MYBL1: variants seen among roughly 807,000 people sequenced by gnomAD.
The protein encoded by MYBL1 is MYB proto-oncogene like 1, also known as myb-related protein A.
In MYBL1, 17 loss-of-function variants were observed where a neutral mutation model predicts 96.3. The observed-to-expected ratio is 0.18, with a 90% CI of 0.12 to 0.26. The LOEUF is 0.26. Among genes scored for constraint, MYBL1 ranks in the 10% least tolerant of loss-of-function variants. The pLI is 1.00. For missense variants in MYBL1, 701 were observed against 882.9 expected, an observed-to-expected ratio of 0.79 and a Z score of 2.61; for synonymous variants, 282 against 292.7, an observed-to-expected ratio of 0.96 and a Z score of 0.37.
At chr8:66,578,892 A>G (rs1232870418) in intron 9 of MYBL1, among the ~76,000 whole-genome samples, 1 of 152,332 alleles carries the variant, frequency 6.6e-6, no homozygotes, top group East Asian at 1.9e-4. Flanking sequence ...ATGGAATACT[A>G]TGCAGCCATA....
Position 66,576,071 on chromosome 8 carries a change from T to G in MYBL1, c.1406A>C (p.Asn469Thr). The G allele has an allele frequency of 6.2e-7, 1 of 1,613,918 alleles. No homozygotes were observed. The highest frequency in any genetic ancestry group is 1.1e-5 in the South Asian group (1 of 91,072). ...PGSELRDGSL[N>T]DGGNMALKHT... is the part of the protein sequence containing the mutation. Reference sequence around the variant, plus strand: ...TTTTAGCGCCATATTACCACCATCGTTCAATGAGCCATCCCTAAGTTCGCT... The same window carrying G: ...TTTTAGCGCCATATTACCACCATCGGTCAATGAGCCATCCCTAAGTTCGCT... Residue 469 changes from asparagine (N) to threonine (T), a missense_variant, in exon 10 of 16, where the codon AAC (asparagine) becomes ACC (threonine). Transcript: ENST00000522677.
At chr8:66,579,111 A>G (rs1360887796) in intron 9 of MYBL1, among the ~76,000 whole-genome samples, 1 of 152,098 alleles carries the variant, frequency 6.6e-6, no homozygotes, top group Non-Finnish European at 1.5e-5. Flanking sequence ...GGATAGCATT[A>G]GGAGATATAC....
At chr8:66,569,105 C>T (rs1808628331) in intron 12 of MYBL1, among the ~76,000 whole-genome samples, 1 of 152,088 alleles carries the variant, frequency 6.6e-6, no homozygotes, top group South Asian at 2.1e-4. Context: ...CTCTCTCTTC[C>T]CACCTTCCAC....
intron 10 of MYBL1, among the ~76,000 whole-genome samples, chr8:66,575,274 T>G (rs1276119698): frequency 6.6e-6 from 1 of 152,156 alleles, no homozygotes; most frequent in Non-Finnish European, 1.5e-5. Flanking sequence ...AAAACCTCAG[T>G]GGGCAAACTA....
chr8:66,595,338 G>A (rs1471233240), intron 6 of MYBL1, among the ~76,000 whole-genome samples: 1 of 152,054 alleles, frequency 6.6e-6, no homozygotes, highest in Non-Finnish European at 1.5e-5. Context: ...AATCATAAAT[G>A]AAGATTCAAA....
In MYBL1 at chr8:66,593,079, T is replaced by C. The variant is rs181498351; in HGVS notation, c.762+41A>G. The stretch of plus-strand genomic sequence containing the variant: ...ACTATTAGGCTTTTAAAAATGTGAC[T>C]GAACACATTTCCTTTGGTTTTCGTT... On this transcript the variant is annotated intron_variant, in intron 7 of 15. Transcript: ENST00000522677. 10 of 1,278,416 alleles carry C rather than the reference T, an allele frequency of 7.8e-6. No individual in the cohort carries two copies. The African/African-American group carries it at 8.9e-5, about 11-fold the overall frequency. 79.2% of individuals were successfully genotyped at this position (1,278,416 alleles called of 1,614,324 possible).
At chr8:66,589,873 C>A (rs1809568096) in intron 8 of MYBL1, among the ~76,000 whole-genome samples, 1 of 152,130 alleles carries the variant, frequency 6.6e-6, no homozygotes, top group Non-Finnish European at 1.5e-5. Flanking sequence ...AGTTTCAAAA[C>A]AGAAACTGCA....
At chr8:66,577,779 T>G (rs1469710494) in intron 9 of MYBL1, among the ~76,000 whole-genome samples, 1 of 152,184 alleles carries the variant, frequency 6.6e-6, no homozygotes, top group Non-Finnish European at 1.5e-5. Context: ...AAGTCAATCC[T>G]AAGCCAAAAG....
At chr8:66,612,625 A>G (rs1810576543) in intron 1 of MYBL1, 194 bp downstream of exon 1, 1 of 541,446 alleles carries the variant, frequency 1.8e-6, no homozygotes, top group Non-Finnish European at 2.9e-6. Flanking sequence ...CGCGCCTCAA[A>G]CACCCTGGTC....
intron 5 of MYBL1, 116 bp downstream of exon 5, chr8:66,597,214 C>T: frequency 1.4e-6 from 1 of 739,662 alleles, no homozygotes; most frequent in East Asian, 2.8e-5. Context: ...ATATAGTCTA[C>T]ATTTTAATTA....
intron 8 of MYBL1, among the ~76,000 whole-genome samples, chr8:66,590,356 T>C (rs1809588478): frequency 6.6e-6 from 1 of 152,166 alleles, no homozygotes; most frequent in Admixed American, 6.6e-5. Flanking sequence ...TGGTGGCTCA[T>C]GTCTGTAATC....
intron 3 of MYBL1, among the ~76,000 whole-genome samples, chr8:66,600,125 AC>A (rs748727930): frequency 1.2e-4 from 18 of 152,216 alleles, no homozygotes; most frequent in Non-Finnish European, 2.1e-4. Context: ...CTGGGTAGAA[AC>A]ATCTCAAACT....
At chr8:66,565,940 G>A (rs1205005961) in intron 15 of MYBL1, 124 bp downstream of exon 15, 2 of 688,122 alleles carry the variant, frequency 2.9e-6, no homozygotes, top group South Asian at 2.1e-5. Flanking sequence ...AATGGTAAAT[G>A]TTTAGTTACT....
intron 1 of MYBL1, among the ~76,000 whole-genome samples, chr8:66,607,261 T>C (rs1398795327): frequency 7.9e-5 from 12 of 152,174 alleles, no homozygotes; most frequent in Non-Finnish European, 1.6e-4. Flanking sequence ...CAGGGTCCAA[T>C]GACTTCATAA....
At chr8:66,593,907 G>T (rs753407973) in intron 6 of MYBL1, among the ~76,000 whole-genome samples, 2 of 152,114 alleles carry the variant, frequency 1.3e-5, no homozygotes, top group Non-Finnish European at 2.9e-5. Context: ...AGGCTGAGGG[G>T]GTATGGTCGC....
chr8:66,597,208 A>G, intron 5 of MYBL1, 122 bp downstream of exon 5: 1 of 679,716 alleles, frequency 1.5e-6, no homozygotes, highest in Non-Finnish European at 2.3e-6. Flanking sequence ...TATGTTATAT[A>G]GTCTACATTT....
At chr8:66,608,580 G>A (rs548049304) in intron 1 of MYBL1, among the ~76,000 whole-genome samples, 86 of 152,202 alleles carry the variant, frequency 5.7e-4, no homozygotes, top group African/African-American at 2.1e-3. Flanking sequence ...AACAGGGAAA[G>A]GATAAAACCC....
chr8:66,595,679 T>C lies in MYBL1; in HGVS notation c.591A>G (p.Gly197=). 6.3e-7 allele frequency: 1 copy of C among 1,584,812 alleles called. No homozygotes were observed. Among genetic ancestry groups the C allele is most frequent in the Non-Finnish European group, 8.6e-7 (1 of 1,163,684 alleles). ...KVEQEGYLQD[G]IKSERSSSKL... ...TAGATGAAGATCGTTCTGATTTTAT[T>C]CCATCTTGTAAATAGCCCTCCTGTT... The change falls in exon 6 of 16, where the codon GGA becomes GGG. Residue 197 remains glycine, a synonymous_variant. Transcript: ENST00000522677.
chr8:66,573,580 T>C (rs982928579), intron 10 of MYBL1, 74 bp from the exon 11 acceptor site: 2 of 1,267,730 alleles, frequency 1.6e-6, no homozygotes, highest in African/African-American at 3.0e-5. Flanking sequence ...ACTGATAAGA[T>C]TTTCAAATTA....
Sources: gnomAD v4.1 joint callset for allele counts (sites outside exome capture counted in the v4.1 genomes callset) on GRCh38, gnomAD v4.1.1 for gene constraint, MANE v1.5 for transcripts, NCBI Gene and HGNC (gene_info 2026-07-23, HGNC 2026-07-21) for gene names.